Variants in RGS10 observed in about 807,000 individuals in gnomAD.
RGS10 encodes regulator of G protein signaling 10.
A neutral mutation model predicts 23.5 loss-of-function variants in RGS10; 11 were observed. The observed-to-expected ratio is 0.47, with a 90% confidence interval of 0.29 to 0.77. The LOEUF is 0.77. RGS10 is among the 30% of genes least tolerant of loss of function. The pLI is 0.08. For synonymous variants in RGS10, 77 were observed against 83.2 expected (o/e 0.92, Z 0.41); for missense variants, 180 against 226.3 (o/e 0.80, Z 1.31).
At chr10:119,521,141 C>T (rs574849715) in intron 3 of RGS10, among the ~76,000 whole-genome samples, 33 of 151,762 alleles carry the variant, frequency 2.2e-4, no homozygotes, top group African/African-American at 5.6e-4. Context: ...GAGGCTGAGG[C>T]GAGAGGATTT....
chr10:119,507,985 G>A (rs980115525), intron 4 of RGS10, among the ~76,000 whole-genome samples: 1 of 151,868 alleles, frequency 6.6e-6, no homozygotes, highest in Non-Finnish European at 1.5e-5. Context: ...CCTAGCAGAC[G>A]CAAACTCTGC....
Position 119,506,458 on chromosome 10 carries a change from C to CAG in RGS10, c.400-6201_400-6200dup, listed in dbSNP as rs1170540282. Among the ~76,000 whole-genome samples, 3 of 152,348 alleles carry CAG rather than the reference C, an allele frequency of 2.0e-5. No homozygotes were observed. The South Asian group carries it at 6.2e-4, about 32-fold the overall frequency. On this transcript the variant is annotated intron_variant, in intron 4 of 4. Coordinates refer to ENST00000369103, the MANE Select transcript of RGS10 (RefSeq NM_001005339.2). ...GAAGGAGTCTGGACACCAGCGGGATCAGAGAGACCTCGCTTGGACGATATC... is the reference window on the plus strand; with the variant it reads ...GAAGGAGTCTGGACACCAGCGGGATCAGAGAGAGACCTCGCTTGGACGATATC...
intron 4 of RGS10, among the ~76,000 whole-genome samples, chr10:119,505,654 G>C (rs1036963786): frequency 1.3e-5 from 2 of 152,114 alleles, no homozygotes; most frequent in African/African-American, 4.8e-5. Flanking sequence ...CCCAACTTCA[G>C]ACTGTTCCAA....
chr10:119,528,250 C>T (rs866772453), intron 1 of RGS10, among the ~76,000 whole-genome samples: 24 of 152,062 alleles, frequency 1.6e-4, no homozygotes, highest in South Asian at 4.2e-4. Flanking sequence ...AGGCTGGTCT[C>T]GAACTCTTGA....
chr10:119,516,807 G>C (rs1015122652), intron 3 of RGS10, among the ~76,000 whole-genome samples: 3 of 152,302 alleles, frequency 2.0e-5, no homozygotes, highest in African/African-American at 7.2e-5. Flanking sequence ...GGGGCTGCAG[G>C]CGCAGGAGCC....
rs1490960043 is a variant in RGS10 at position 119,527,933 on chromosome 10, A to C, written c.50-509T>G. ...CATTATCTGGCACAGAGATTAAAAA[A>C]CTCATTGCAGGACGGGACCCACGTG... On this transcript the variant is annotated intron_variant, in intron 1 of 4. Transcript: ENST00000369103. This position sits in a 1 kb window ranked among gnomAD's most constrained non-coding sequence, Gnocchi z 4.2. Among the ~76,000 whole-genome samples, 1 of 151,604 alleles carries C rather than the reference A, an allele frequency of 6.6e-6. No individual in the cohort carries two copies. Among genetic ancestry groups the C allele is most frequent in the Non-Finnish European group, 1.5e-5 (1 of 67,944 alleles).
chr10:119,529,019 G>GA (rs1399954011), intron 1 of RGS10, among the ~76,000 whole-genome samples: 1 of 152,116 alleles, frequency 6.6e-6, no homozygotes, highest in Non-Finnish European at 1.5e-5. Context: ...GAGGAACAGG[G>GA]AATCTCCAAA....
chr10:119,537,377 C>T (rs1313979874), intron 1 of RGS10, among the ~76,000 whole-genome samples: 6 of 83,960 alleles, frequency 7.1e-5, no homozygotes, highest in African/African-American at 2.5e-4. Flanking sequence ...AGTGAAACTC[C>T]GTCTCAAAAA....
intron 4 of RGS10, among the ~76,000 whole-genome samples, chr10:119,504,176 C>T (rs1461557085): frequency 2.6e-5 from 4 of 152,220 alleles, no homozygotes; most frequent in African/African-American, 4.8e-5. Flanking sequence ...ATCCCAAATA[C>T]GTTCTTTTTT....
intron 4 of RGS10, among the ~76,000 whole-genome samples, chr10:119,513,510 GAAAA>G (rs143891887): frequency 4.8e-5 from 7 of 147,342 alleles, no homozygotes; most frequent in Admixed American, 1.4e-4. Context: ...CATTAAAAAA[GAAAA>G]AAAAAACAAT....
At chr10:119,520,798 A>G (rs1372536388) in intron 3 of RGS10, among the ~76,000 whole-genome samples, 2 of 135,978 alleles carry the variant, frequency 1.5e-5, no homozygotes, top group East Asian at 4.2e-4. Flanking sequence ...TGTAGTCAAA[A>G]TCTCCAAAAG....
At chr10:119,520,153 G>C (rs976968103) in intron 3 of RGS10, among the ~76,000 whole-genome samples, 1 of 152,212 alleles carries the variant, frequency 6.6e-6, no homozygotes, top group African/African-American at 2.4e-5. Context: ...CTAGGACAAT[G>C]AAAGGATCAA....
chr10:119,503,751 C>A (rs558241476), intron 4 of RGS10, among the ~76,000 whole-genome samples: 1 of 152,310 alleles, frequency 6.6e-6, no homozygotes, highest in Non-Finnish European at 1.5e-5. Context: ...GCTCGTAGAC[C>A]ACACCTTCTC....
At chr10:119,540,561 C>T (rs1363334216) in intron 1 of RGS10, among the ~76,000 whole-genome samples, 1 of 152,162 alleles carries the variant, frequency 6.6e-6, no homozygotes, top group Admixed American at 6.5e-5. Flanking sequence ...CTGAGACCGA[C>T]CTTTCTGTCA....
chr10:119,542,673 C>A lies in RGS10; in HGVS notation c.-35G>T. The A allele has an allele frequency of 7.4e-7, 1 of 1,342,438 alleles. No homozygotes were observed. The highest frequency in any genetic ancestry group is 9.5e-7 in the Non-Finnish European group (1 of 1,047,238). 83.2% of individuals were successfully genotyped at this position (1,342,438 alleles called of 1,614,324 possible). On this transcript the variant is annotated 5_prime_UTR_variant, in exon 1 of 5. Transcript: ENST00000369103. ...CGCCCGAGGAGGAAGAAGGAGCAGCCCGGCGGCGCGGCGGCTGAGCCGGAG... is the reference window on the plus strand; with the variant it reads ...CGCCCGAGGAGGAAGAAGGAGCAGCACGGCGGCGCGGCGGCTGAGCCGGAG...
chr10:119,523,354 G>A (rs567044311), intron 3 of RGS10, among the ~76,000 whole-genome samples: 3 of 152,150 alleles, frequency 2.0e-5, no homozygotes, highest in Non-Finnish European at 4.4e-5. Context: ...CAGGCTTAAG[G>A]ACACAGACTT....
intron 4 of RGS10, among the ~76,000 whole-genome samples, chr10:119,502,420 C>G (rs1843962060): frequency 6.6e-6 from 1 of 152,238 alleles, no homozygotes; most frequent in Non-Finnish European, 1.5e-5. Flanking sequence ...CCCACTCCCA[C>G]CCCAGGTCCA....
chr10:119,536,396 C>A, intron 1 of RGS10: 3 of 1,464,286 alleles, frequency 2.0e-6, no homozygotes, highest in Non-Finnish European at 2.9e-6. Context: ...TTCCCAGCCC[C>A]TGCCCCGCCC....
intron 2 of RGS10, 41 bp from the exon 3 acceptor site, chr10:119,526,159 T>TAA: frequency 1.7e-5 from 16 of 963,444 alleles, no homozygotes; most frequent in South Asian, 1.5e-4. Context: ...TATTCTACTT[T>TAA]AAAAAAAAAA....
Sources: gnomAD v4.1 joint callset for allele counts (sites outside exome capture counted in the v4.1 genomes callset) on GRCh38, gnomAD v4.1.1 for gene constraint, Gnocchi (gnomAD v3.1) non-coding constraint, MANE v1.5 for transcripts, NCBI Gene and HGNC (gene_info 2026-07-23, HGNC 2026-07-21) for gene names.